ATP10A: variants seen among roughly 807,000 people sequenced by gnomAD.
ATP10A encodes phospholipid-transporting ATPase VA.
ATP10A carries 111 observed loss-of-function variants against 147.8 expected under a neutral mutation model. The ratio of observed to expected loss-of-function variants is 0.75; its 90% CI spans 0.64 to 0.88. ATP10A has a LOEUF of 0.88. ATP10A is among the 40% of genes least tolerant of loss of function. The pLI, the probability that ATP10A is intolerant of heterozygous loss-of-function variation, is 0.00. For missense variants in ATP10A, 1,927 were observed against 1,959.0 expected, an observed-to-expected ratio of 0.98 and a Z score of 0.31; for synonymous variants, 875 against 841.6, an observed-to-expected ratio of 1.04 and a Z score of -0.69.
Position 25,713,935 on chromosome 15 carries a change from C to T in ATP10A, c.2083G>A (p.Ala695Thr). 6.2e-7 allele frequency: 1 copy of T among 1,611,834 alleles called. No homozygotes were observed. Among genetic ancestry groups the T allele is most frequent in the South Asian group, 1.1e-5 (1 of 91,072 alleles). Reference protein sequence around the residue: ...QESERELRYEAESPDEAALVY... With the variant: ...QESERELRYETESPDEAALVY... ...AGTGCGGCCTCATCCGGGCTCTCCG[C>T]CTCGTACCGCAGCTCGCGCTCTGAC... Residue 695 changes from alanine (A) to threonine (T), a missense_variant, in exon 10 of 21, where the codon GCG becomes ACG. By Grantham distance (58) the Ala-to-Thr change is moderately conservative. Coordinates refer to ENST00000555815, the MANE Select transcript of ATP10A (RefSeq NM_024490.4).
chr15:25,767,092 C>T (rs1401893182), intron 2 of ATP10A, among the ~76,000 whole-genome samples: 1 of 152,214 alleles, frequency 6.6e-6, no homozygotes, highest in Admixed American at 6.5e-5. Context: ...AAATTCCCTT[C>T]TGCCTGTTCT....
chr15:25,843,160 G>C (rs376509761), intron 1 of ATP10A, among the ~76,000 whole-genome samples: 2 of 152,246 alleles, frequency 1.3e-5, no homozygotes, highest in South Asian at 4.1e-4. Context: ...CACGCCATGT[G>C]CCTCCTCCCT....
At chr15:25,747,128 A>G (rs1887884967) in intron 2 of ATP10A, among the ~76,000 whole-genome samples, 1 of 152,058 alleles carries the variant, frequency 6.6e-6, no homozygotes, top group Admixed American at 6.6e-5. Flanking sequence ...CTCTACTATA[A>G]CTACAAAACA....
chr15:25,702,141 C>T (rs781095343), intron 12 of ATP10A, 41 bp from the exon 13 acceptor site: 10 of 1,569,686 alleles, frequency 6.4e-6, no homozygotes, highest in East Asian at 4.5e-5. Flanking sequence ...CCGCTTCTCA[C>T]GTGCCCCCCA....
intron 10 of ATP10A, among the ~76,000 whole-genome samples, chr15:25,712,174 T>C (rs779835116): frequency 1.3e-5 from 2 of 152,226 alleles, no homozygotes; most frequent in Admixed American, 6.5e-5. Flanking sequence ...TGGTAATTTT[T>C]TGGGGGGGAC....
At chr15:25,820,913 T>C (rs968330885) in intron 1 of ATP10A, among the ~76,000 whole-genome samples, 5 of 152,190 alleles carry the variant, frequency 3.3e-5, no homozygotes, top group African/African-American at 1.2e-4. Context: ...GGTTGATATA[T>C]TGGAAGGTAT....
chr15:25,697,240 T>G (rs1349349485), intron 13 of ATP10A, among the ~76,000 whole-genome samples: 1 of 152,148 alleles, frequency 6.6e-6, no homozygotes, highest in Non-Finnish European at 1.5e-5. Flanking sequence ...GACTAGGTCT[T>G]ATAAACACAT....
chr15:25,744,683 T>G (rs935846020), intron 2 of ATP10A, among the ~76,000 whole-genome samples: 2 of 152,212 alleles, frequency 1.3e-5, no homozygotes, highest in Non-Finnish European at 2.9e-5. Flanking sequence ...GCCTGGCTTA[T>G]TAGCAGATTT....
chr15:25,737,389 G>A (rs577831620), intron 2 of ATP10A, among the ~76,000 whole-genome samples: 53 of 152,328 alleles, frequency 3.5e-4, no homozygotes, highest in Non-Finnish European at 6.6e-4. Context: ...CTTGGCAGAC[G>A]AGGAGGGTAG....
chr15:25,743,429 G>A (rs1480243662), intron 2 of ATP10A, among the ~76,000 whole-genome samples: 1 of 152,210 alleles, frequency 6.6e-6, no homozygotes, highest in African/African-American at 2.4e-5. Context: ...ACAGCTGCCT[G>A]GAGGTATGAA....
intron 1 of ATP10A, among the ~76,000 whole-genome samples, chr15:25,860,243 C>G (rs963077556): frequency 3.3e-5 from 5 of 152,138 alleles, no homozygotes; most frequent in African/African-American, 1.2e-4. Context: ...CTGCAGCACC[C>G]ACTCTCTGCC....
chr15:25,756,361 T>C (rs1296955888), intron 2 of ATP10A, among the ~76,000 whole-genome samples: 1 of 152,178 alleles, frequency 6.6e-6, no homozygotes, highest in Non-Finnish European at 1.5e-5. Context: ...AAGTGAGTGC[T>C]GGCCAGGCGC....
At chr15:25,792,901 G>A (rs760259133) in intron 1 of ATP10A, among the ~76,000 whole-genome samples, 9 of 131,484 alleles carry the variant, frequency 6.8e-5, no homozygotes, top group Non-Finnish European at 1.4e-4. Flanking sequence ...ATGGAGTTTT[G>A]CTCTCGTTCC....
chr15:25,702,073 T>G lies in ATP10A; in HGVS notation c.2603A>C (p.Gln868Pro). 2 of 1,613,382 alleles carry G rather than the reference T, an allele frequency of 1.2e-6. No homozygotes were observed. Among genetic ancestry groups the G allele is most frequent in the Non-Finnish European group, 1.7e-6 (2 of 1,179,622 alleles). ...LGATGIEDRL[Q>P]DGVPETISKL... ...AGAAATAGTTTCAGGGACTCCGTCCTGCAGGCGGTCTTCAATCCCAGTGGC... is the reference window on the plus strand; with the variant it reads ...AGAAATAGTTTCAGGGACTCCGTCCGGCAGGCGGTCTTCAATCCCAGTGGC... Residue 868 changes from glutamine to proline, a missense_variant, in exon 13 of 21, where the codon CAG becomes CCG. Physicochemically the swap from Gln to Pro is moderately conservative, Grantham distance 76. Transcript: ENST00000555815.
chr15:25,783,398 G>A (rs892903653), intron 1 of ATP10A, among the ~76,000 whole-genome samples: 6 of 152,142 alleles, frequency 3.9e-5, no homozygotes, highest in African/African-American at 1.4e-4. Flanking sequence ...TGGATGAGAA[G>A]TATGGAGAGT....
At chr15:25,772,312 T>C (rs1034040841) in intron 2 of ATP10A, among the ~76,000 whole-genome samples, 1 of 151,682 alleles carries the variant, frequency 6.6e-6, no homozygotes, top group African/African-American at 2.4e-5. Context: ...CACCAGGCCC[T>C]GACGTCTCTG....
chr15:25,694,890 G>T lies in ATP10A; in HGVS notation c.3017C>A (p.Ser1006Ter). 6.2e-7 allele frequency: 1 copy of T among 1,614,124 alleles called. No individual in the cohort carries two copies. The highest frequency in any genetic ancestry group is 8.5e-7 in the Non-Finnish European group (1 of 1,180,046). ...CACCATGCTCTTCTGCAGAGGCGTCGACCGACAGCAGAGGACGGAGCGGCA... is the reference window on the plus strand; with the variant it reads ...CACCATGCTCTTCTGCAGAGGCGTCTACCGACAGCAGAGGACGGAGCGGCA... ...KQCRSVLCCR[S>*]TPLQKSMVVK... The change falls in exon 14 of 21, where the codon TCG (serine) becomes TAG (stop). Residue 1006 changes from serine to a stop codon, truncating the protein, a stop_gained. Coordinates refer to ENST00000555815, the MANE Select transcript of ATP10A (RefSeq NM_024490.4). LOFTEE classifies it high-confidence loss of function.
intron 1 of ATP10A, among the ~76,000 whole-genome samples, chr15:25,821,583 G>A (rs755702898): frequency 6.6e-6 from 1 of 152,152 alleles, no homozygotes; most frequent in Non-Finnish European, 1.5e-5. Flanking sequence ...CATTTCAACT[G>A]TGGCATCCAA....
chr15:25,720,046 G>C (rs1466786066), intron 7 of ATP10A, among the ~76,000 whole-genome samples: 1 of 152,206 alleles, frequency 6.6e-6, no homozygotes, highest in Non-Finnish European at 1.5e-5. Context: ...CCTGTGTCTT[G>C]AGGCAAGGAA....
Sources: allele counts gnomAD v4.1 joint callset (sites outside exome capture counted in the v4.1 genomes callset), GRCh38; gene constraint gnomAD v4.1.1; transcripts MANE v1.5; gene names NCBI Gene and HGNC (gene_info 2026-07-23, HGNC 2026-07-21).